PCDH17: variants seen among roughly 807,000 people sequenced by gnomAD.
PCDH17 encodes the protein protocadherin 17.
Under a neutral mutation model 67.7 loss-of-function variants are expected in PCDH17, and 21 were observed. That is an observed-to-expected ratio of 0.31 (90% CI 0.22 to 0.45). The LOEUF is 0.45. Among genes scored for constraint, PCDH17 ranks in the 20% least tolerant of loss-of-function variants. The probability of loss-of-function intolerance (pLI) is 1.00; values close to 1 mark genes in which losing one functional copy is unlikely to be tolerated. For synonymous variants in PCDH17, 701 were observed against 656.7 expected (o/e 1.07, Z -1.03); for missense variants, 1,471 against 1,564.8 (o/e 0.94, Z 1.01).
chr13:57,658,960 T>G (rs1451937638), intron 1 of PCDH17, among the ~76,000 whole-genome samples: 1 of 152,134 alleles, frequency 6.6e-6, no homozygotes, highest in African/African-American at 2.4e-5. Context: ...GCCTCCTGTG[T>G]CTCCGCACCA....
chr13:57,666,492 A>G lies in PCDH17; in HGVS notation c.2590A>G (p.Asn864Asp). The change falls in exon 2 of 4, where the codon AAT (asparagine) becomes GAT (aspartate). Residue 864 changes from asparagine (N) to aspartate (D), a missense_variant. Coordinates refer to ENST00000377918, the MANE Select transcript of PCDH17 (RefSeq NM_001040429.3). ...IQTDNFPAEP[N>D]YMGSRQQFVQ... ...GACAGACAATTTTCCCGCAGAGCCC[A>G]ATTACATGGGCAGCAGGCAGCAGTT... 1 of 1,613,954 alleles carries G rather than the reference A, an allele frequency of 6.2e-7. No homozygotes were observed.
intron 3 of PCDH17, 125 bp downstream of exon 3, chr13:57,666,958 A>G (rs1955263392): frequency 1.4e-6 from 1 of 713,660 alleles, no homozygotes; most frequent in African/African-American, 1.8e-5. Context: ...AGAAACAGCA[A>G]ATCTTGAGGT....
intron 3 of PCDH17, among the ~76,000 whole-genome samples, chr13:57,693,390 A>T (rs1349273536): frequency 7.0e-6 from 1 of 143,534 alleles, no homozygotes; most frequent in African/African-American, 2.5e-5. Context: ...GAATGCTTAG[A>T]TCTTGAGATT....
At chr13:57,688,716 T>C (rs1294542870) in intron 3 of PCDH17, among the ~76,000 whole-genome samples, 1 of 152,066 alleles carries the variant, frequency 6.6e-6, no homozygotes, top group Non-Finnish European at 1.5e-5. Context: ...GATCAGGAAT[T>C]AAAATCAGTT....
Position 57,635,020 on chromosome 13 carries a change from T to C in PCDH17, c.2474T>C (p.Val825Ala). The stretch of plus-strand genomic sequence containing the variant: ...AAACCGGCCTCCAACAACCTGACTG[T>C]CCCTCAGGGGCACGCGGGCTGCCAC... ...YLKPASNNLT[V>A]PQGHAGCHTS... The change falls in exon 1 of 4, where the codon GTC (valine) becomes GCC (alanine). Residue 825 changes from valine (V) to alanine (A), a missense_variant. By Grantham distance (64) the Val-to-Ala change is moderately conservative. Transcript: ENST00000377918. 1 of 1,613,362 alleles carries C rather than the reference T, an allele frequency of 6.2e-7. No homozygotes were observed. The highest frequency in any genetic ancestry group is 8.5e-7 in the Non-Finnish European group (1 of 1,179,988).
Position 57,725,600 on chromosome 13 carries a change from T to A in PCDH17, c.*306T>A. On this transcript the variant is annotated 3_prime_UTR_variant, in exon 4 of 4. Transcript: ENST00000377918. ...AGGAGGATGAGGAGAAGAATTACCT[T>A]TTGACAATCTGTTAGGAAGGTATGC... The A allele has an allele frequency of 3.4e-6, 1 of 290,312 alleles. No individual in the cohort carries two copies. Among genetic ancestry groups the A allele is most frequent in the Non-Finnish European group, 6.5e-6 (1 of 154,898 alleles). 18.0% of individuals were successfully genotyped at this position (290,312 alleles called of 1,614,324 possible).
chr13:57,666,409 C>A, intron 1 of PCDH17, 59 bp from the exon 2 acceptor site: 1 of 1,259,372 alleles, frequency 7.9e-7, no homozygotes, highest in Non-Finnish European at 1.2e-6. Flanking sequence ...AATCTTGTTG[C>A]TCTGCAGGAG....
chr13:57,651,431 G>A (rs10444647), intron 1 of PCDH17, among the ~76,000 whole-genome samples: 7 of 147,154 alleles, frequency 4.8e-5, no homozygotes, highest in Admixed American at 3.5e-4. Context: ...GCACGATCTC[G>A]GCTCATTGCA....
chr13:57,675,169 G>T (rs1335033441), intron 3 of PCDH17, among the ~76,000 whole-genome samples: 4 of 151,852 alleles, frequency 2.6e-5, no homozygotes, highest in Non-Finnish European at 5.9e-5. Flanking sequence ...AACATATATT[G>T]AATGAAAGCG....
chr13:57,637,951 C>A (rs558226784), intron 1 of PCDH17, among the ~76,000 whole-genome samples: 7 of 152,034 alleles, frequency 4.6e-5, no homozygotes. Context: ...TAAGCTGATA[C>A]AGAAACAGTG....
At chr13:57,681,037 G>T (rs569846301) in intron 3 of PCDH17, among the ~76,000 whole-genome samples, 9 of 151,624 alleles carry the variant, frequency 5.9e-5, no homozygotes, top group African/African-American at 1.9e-4. Context: ...AAGCATTGTC[G>T]CAAGCAAGTG....
At position 57,632,396 on chromosome 13, in the gene PCDH17, G is replaced by T; in HGVS notation, c.-151G>T. On this transcript the variant is annotated 5_prime_UTR_variant, in exon 1 of 4. Coordinates refer to ENST00000377918, the MANE Select transcript of PCDH17 (RefSeq NM_001040429.3). ...GAGCAGAATAAGGAGAGACCACCGG[G>T]TGCCGCAGCTCGGGTGCAGAGGGAA... The T allele has an allele frequency of 2.9e-6, 2 of 700,386 alleles. No homozygotes were observed. Among genetic ancestry groups the T allele is most frequent in the Non-Finnish European group, 4.7e-6 (2 of 421,104 alleles). The allele number at this position is 700,386 out of a possible 1,614,324, so 43.4% of individuals were successfully genotyped here. A position where few individuals can be genotyped will look rare whatever the true frequency, so the allele number is the denominator to read the frequency against.
At chr13:57,657,130 C>A (rs536251465) in intron 1 of PCDH17, among the ~76,000 whole-genome samples, 1 of 152,204 alleles carries the variant, frequency 6.6e-6, no homozygotes, top group East Asian at 1.9e-4. Flanking sequence ...TTATCAATGT[C>A]ATTTCAAAGA....
chr13:57,635,473 T>G (rs1316847794), intron 1 of PCDH17, among the ~76,000 whole-genome samples: 1 of 152,228 alleles, frequency 6.6e-6, no homozygotes, highest in African/African-American at 2.4e-5. Flanking sequence ...AATGTTTTAG[T>G]TAATTGTCTT....
intron 3 of PCDH17, among the ~76,000 whole-genome samples, chr13:57,722,811 G>A (rs371848958): frequency 2.0e-5 from 3 of 151,980 alleles, no homozygotes; most frequent in African/African-American, 7.2e-5. Flanking sequence ...GTCTTGCTAT[G>A]TTGCCCAGGC....
At chr13:57,698,149 A>G (rs1439851527) in intron 3 of PCDH17, among the ~76,000 whole-genome samples, 6 of 151,588 alleles carry the variant, frequency 4.0e-5, no homozygotes, top group South Asian at 2.1e-4. Flanking sequence ...GCCTAGAATT[A>G]TAACATGTTC....
At position 57,709,406 on chromosome 13, in the gene PCDH17, T is replaced by C. The variant is rs1459828536; in HGVS notation, c.2798-15206T>C. On this transcript the variant is annotated intron_variant, in intron 3 of 3. Transcript: ENST00000377918. Reference sequence around the variant, plus strand: ...CATCATCATGAGTGTATTTCTTCCATGGACCTAGGAATACATCTTGTTACT... The same window carrying C: ...CATCATCATGAGTGTATTTCTTCCACGGACCTAGGAATACATCTTGTTACT... Among the ~76,000 whole-genome samples the C allele has an allele frequency of 2.0e-5, 3 of 151,878 alleles. No homozygotes were observed. The East Asian group carries it at 5.8e-4, about 29-fold the overall frequency.
chr13:57,699,947 C>T (rs1375288707), intron 3 of PCDH17, among the ~76,000 whole-genome samples: 1 of 151,934 alleles, frequency 6.6e-6, no homozygotes, highest in Non-Finnish European at 1.5e-5. Context: ...TTGATCTTTC[C>T]TTGCCTTATG....
chr13:57,693,922 C>G (rs1184556082), intron 3 of PCDH17, among the ~76,000 whole-genome samples: 1 of 149,762 alleles, frequency 6.7e-6, no homozygotes, highest in Non-Finnish European at 1.5e-5. Context: ...GGAATACTTC[C>G]AACTTACACA....
Sources: gnomAD v4.1 joint callset for allele counts (sites outside exome capture counted in the v4.1 genomes callset) on GRCh38, gnomAD v4.1.1 for gene constraint, MANE v1.5 for transcripts, NCBI Gene and HGNC (gene_info 2026-07-23, HGNC 2026-07-21) for gene names.